The following MYO9A variants were observed in gnomAD, a reference collection of about 807,000 sequenced individuals.
MYO9A encodes unconventional myosin-IXa.
MYO9A carries 103 observed loss-of-function variants against 293.3 expected under a neutral mutation model. The observed-to-expected ratio is 0.35, with a 90% CI of 0.30 to 0.41. The LOEUF (loss-of-function observed/expected upper bound fraction) is 0.41. MYO9A is among the 10% of genes least tolerant of loss of function. MYO9A has a pLI of 1.00. For synonymous variants in MYO9A, 1,001 were observed against 1,035.7 expected, an observed-to-expected ratio of 0.97 and a Z score of 0.64; for missense variants, 2,685 against 3,033.0, an observed-to-expected ratio of 0.89 and a Z score of 2.69.
intron 11 of MYO9A, among the ~76,000 whole-genome samples, chr15:71,986,931 A>G (rs968864443): frequency 6.6e-6 from 1 of 152,172 alleles, no homozygotes; most frequent in African/African-American, 2.4e-5. Context: ...CTCACCCAAC[A>G]TCTCACCCAG....
intron 37 of MYO9A, 47 bp from the exon 38 acceptor site, chr15:71,850,214 G>C (rs1163302106): frequency 1.9e-6 from 3 of 1,606,068 alleles, no homozygotes; most frequent in Non-Finnish European, 2.6e-6. Context: ...GGGATAAAAA[G>C]GGAGCACCAT....
chr15:71,843,404 A>C (rs1441587391), intron 39 of MYO9A, among the ~76,000 whole-genome samples: 1 of 152,208 alleles, frequency 6.6e-6, no homozygotes, highest in African/African-American at 2.4e-5. Flanking sequence ...ACTCCAGCCC[A>C]GGCTGACAAC....
chr15:71,895,780 T>G (rs2057306973), intron 25 of MYO9A, among the ~76,000 whole-genome samples: 1 of 152,058 alleles, frequency 6.6e-6, no homozygotes, highest in African/African-American at 2.4e-5. Flanking sequence ...CCTACAACTA[T>G]GTATCTTGGA....
chr15:72,054,138 G>T (rs2078650812), intron 1 of MYO9A, among the ~76,000 whole-genome samples: 1 of 152,078 alleles, frequency 6.6e-6, no homozygotes, highest in South Asian at 2.1e-4. Context: ...AAGAAAGCTG[G>T]TATAATCAAA....
intron 15 of MYO9A, among the ~76,000 whole-genome samples, chr15:71,939,634 T>A (rs545869713): frequency 6.6e-6 from 1 of 152,234 alleles, no homozygotes; most frequent in South Asian, 2.1e-4. Flanking sequence ...TGAGTATCAA[T>A]GTATTGAGAA....
chr15:71,867,808 A>G (rs1283773261), intron 32 of MYO9A, among the ~76,000 whole-genome samples: 1 of 114,278 alleles, frequency 8.8e-6, no homozygotes, highest in Non-Finnish European at 1.6e-5. Flanking sequence ...TCACACACAC[A>G]CACACACACA....
chr15:71,838,268 T>C (rs928436430), intron 39 of MYO9A, among the ~76,000 whole-genome samples: 18 of 152,142 alleles, frequency 1.2e-4, no homozygotes, highest in Admixed American at 3.3e-4. Context: ...TTTCTTATGG[T>C]ACGTCACTTC....
At position 71,898,004 on chromosome 15, in the gene MYO9A, C is replaced by T. The variant is rs758078988; in HGVS notation, c.4499G>A (p.Arg1500Lys). ...ATTCTGTTGCTGCAACTGTTTTTGC[C>T]TTTCTTCCTTCTCAGTGTTTAGCTT... is the stretch of plus-strand genomic sequence containing the variant. ...LEKLNTEKEE[R>K]QKQLQQQNEK... Residue 1500 changes from arginine (R) to lysine (K), a missense_variant, in exon 25 of 42, where the codon AGG (arginine) becomes AAG (lysine). Physicochemically the swap from Arg to Lys is conservative, Grantham distance 26. This residue lies in a region of MYO9A where 1,434 missense variants were observed against 1,497.7 expected (regional missense o/e 0.96). Transcript: ENST00000356056. The T allele has an allele frequency of 1.1e-5, 18 of 1,614,080 alleles. 1 individual carries two copies. In the Admixed American group the frequency reaches 2.0e-4, roughly 18 times the overall value.
chr15:71,866,277 G>A (rs2056321212), intron 32 of MYO9A, among the ~76,000 whole-genome samples: 1 of 152,170 alleles, frequency 6.6e-6, no homozygotes, highest in South Asian at 2.1e-4. Context: ...AGTTTATACA[G>A]ACTATGTATG....
chr15:71,913,479 G>T (rs949785400), intron 19 of MYO9A, among the ~76,000 whole-genome samples: 1 of 152,034 alleles, frequency 6.6e-6, no homozygotes, highest in Non-Finnish European at 1.5e-5. Context: ...TCATATTCAT[G>T]TTTTTTGTTA....
At chr15:72,034,330 C>A (rs539274764) in intron 2 of MYO9A, among the ~76,000 whole-genome samples, 2 of 152,162 alleles carry the variant, frequency 1.3e-5, no homozygotes, top group Non-Finnish European at 2.9e-5. Flanking sequence ...TGACAACCAC[C>A]GCTCTACTTA....
intron 1 of MYO9A, among the ~76,000 whole-genome samples, chr15:72,102,818 T>A (rs988373175): frequency 7.9e-5 from 12 of 151,920 alleles, no homozygotes; most frequent in African/African-American, 2.9e-4. Context: ...ATCAACATTA[T>A]GCTGGAGATC....
In MYO9A at chr15:71,879,854, G is replaced by A. The variant is rs749665264; in HGVS notation, c.5623-17C>T. The A allele has an allele frequency of 1.5e-5, 23 of 1,502,422 alleles. No individual in the cohort carries two copies. Among genetic ancestry groups the A allele is most frequent in the South Asian group, 4.5e-5 (4 of 88,346 alleles). 93.1% of individuals were successfully genotyped at this position (1,502,422 alleles called of 1,614,324 possible). A position where few individuals can be genotyped will look rare whatever the true frequency, so the allele number is the denominator to read the frequency against. ...GTCATTCACCTGGGAACCACAAAACGAGTTTTAGTACACAATCAACTAATT... is the reference window on the plus strand; with the variant it reads ...GTCATTCACCTGGGAACCACAAAACAAGTTTTAGTACACAATCAACTAATT... On this transcript the variant is annotated splice_polypyrimidine_tract_variant and intron_variant, in intron 29 of 41. Coordinates refer to ENST00000356056, the MANE Select transcript of MYO9A (RefSeq NM_006901.4).
intron 12 of MYO9A, 24 bp from the exon 13 acceptor site, chr15:71,968,149 A>C (rs374385970): frequency 9.4e-5 from 145 of 1,534,458 alleles, no homozygotes; most frequent in Non-Finnish European, 1.2e-4. Flanking sequence ...AAAAGAAAAA[A>C]TATCATTACA....
intron 7 of MYO9A, among the ~76,000 whole-genome samples, chr15:72,009,711 GA>G (rs1038803405): frequency 5.3e-5 from 8 of 150,800 alleles, no homozygotes; most frequent in South Asian, 2.1e-4. Flanking sequence ...AAAAAACAAA[GA>G]AAAAAAAATT....
At chr15:71,928,606 A>C (rs1023722746) in intron 18 of MYO9A, among the ~76,000 whole-genome samples, 4 of 152,148 alleles carry the variant, frequency 2.6e-5, no homozygotes, top group Non-Finnish European at 1.5e-5. Context: ...TGTTGTCTTC[A>C]ATTTCTTTCA....
At chr15:72,062,910 T>C (rs1189920324) in intron 1 of MYO9A, among the ~76,000 whole-genome samples, 1 of 152,174 alleles carries the variant, frequency 6.6e-6, no homozygotes, top group Non-Finnish European at 1.5e-5. Flanking sequence ...TGGTCCCAGC[T>C]ACTAAGGAGG....
At chr15:72,063,951 T>C (rs549221514) in intron 1 of MYO9A, among the ~76,000 whole-genome samples, 2 of 152,236 alleles carry the variant, frequency 1.3e-5, no homozygotes, top group East Asian at 3.9e-4. Context: ...ATGCATATAA[T>C]ACAATGAAGT....
chr15:72,033,763 T>A (rs1356792786), intron 2 of MYO9A, among the ~76,000 whole-genome samples: 1 of 152,210 alleles, frequency 6.6e-6, no homozygotes, highest in Non-Finnish European at 1.5e-5. Flanking sequence ...ACGCTTTAAA[T>A]GTGTAGATTT....
Sources: gnomAD v4.1 joint callset for allele counts (sites outside exome capture counted in the v4.1 genomes callset) on GRCh38, gnomAD v4.1.1 for gene constraint, gnomAD v4.1.1 regional missense constraint, MANE v1.5 for transcripts, NCBI Gene and HGNC (gene_info 2026-07-23, HGNC 2026-07-21) for gene names.